The following NR2C2 variants were observed in gnomAD, a reference collection of about 807,000 sequenced individuals.
The protein encoded by NR2C2 is nuclear receptor subfamily 2 group C member 2.
A neutral mutation model predicts 62.9 loss-of-function variants in NR2C2; 6 were observed. That is an observed-to-expected ratio of 0.10 (90% CI 0.05 to 0.19). The LOEUF is 0.19. Among genes scored for constraint, NR2C2 ranks in the 10% least tolerant of loss-of-function variants. The probability of loss-of-function intolerance (pLI) is 1.00; values close to 1 mark genes in which losing one functional copy is unlikely to be tolerated. For synonymous variants in NR2C2, 272 were observed against 273.8 expected, an observed-to-expected ratio of 0.99 and a Z score of 0.07; for missense variants, 479 against 762.7, an observed-to-expected ratio of 0.63 and a Z score of 4.38.
intron 1 of NR2C2, among the ~76,000 whole-genome samples, chr3:14,972,548 T>C (rs2040074248): frequency 6.6e-6 from 1 of 152,202 alleles, no homozygotes; most frequent in African/African-American, 2.4e-5. Context: ...TCCCACTTTT[T>C]AATTGGGTAG....
intron 2 of NR2C2, among the ~76,000 whole-genome samples, chr3:15,010,135 T>G: frequency 6.6e-6 from 1 of 152,226 alleles, no homozygotes; most frequent in East Asian, 1.9e-4. Context: ...ACAGCCGACT[T>G]AAATTTTAAT....
At chr3:15,041,424 G>A (rs994278474) in intron 13 of NR2C2, among the ~76,000 whole-genome samples, 2 of 152,182 alleles carry the variant, frequency 1.3e-5, no homozygotes, top group Non-Finnish European at 2.9e-5. Flanking sequence ...TTGTGGCTGA[G>A]TGAATGGATG....
chr3:15,029,403 C>T (rs978381102), intron 8 of NR2C2, among the ~76,000 whole-genome samples: 2 of 152,292 alleles, frequency 1.3e-5, no homozygotes, highest in South Asian at 4.1e-4. Flanking sequence ...GGCTCTTGTG[C>T]TCTGCTCCTA....
At chr3:15,002,321 C>T (rs1301041724) in intron 1 of NR2C2, among the ~76,000 whole-genome samples, 1 of 152,074 alleles carries the variant, frequency 6.6e-6, no homozygotes, top group Non-Finnish European at 1.5e-5. Context: ...TTTTCGCCAT[C>T]AATTGAAATA....
chr3:14,965,669 GT>G (rs1218816513), intron 1 of NR2C2, among the ~76,000 whole-genome samples: 1 of 146,994 alleles, frequency 6.8e-6, no homozygotes, highest in Non-Finnish European at 1.5e-5. Flanking sequence ...TTTTGTTTTT[GT>G]TTTTTTTTGA....
At chr3:14,949,640 C>T (rs775275664) in intron 1 of NR2C2, among the ~76,000 whole-genome samples, 12 of 152,186 alleles carry the variant, frequency 7.9e-5, no homozygotes, top group Non-Finnish European at 1.8e-4. Flanking sequence ...TCGTCAGCCT[C>T]TTATATACAT....
chr3:14,986,359 A>T (rs2040513965), intron 1 of NR2C2, among the ~76,000 whole-genome samples: 1 of 152,208 alleles, frequency 6.6e-6, no homozygotes, highest in Non-Finnish European at 1.5e-5. Flanking sequence ...CTAAGAAGAT[A>T]CAATTGTTTT....
intron 2 of NR2C2, among the ~76,000 whole-genome samples, chr3:15,005,016 G>T (rs1269485053): frequency 6.6e-6 from 1 of 151,998 alleles, no homozygotes; most frequent in Non-Finnish European, 1.5e-5. Context: ...GCTTCCCAAA[G>T]TGCTGGGATT....
intron 1 of NR2C2, among the ~76,000 whole-genome samples, chr3:14,993,402 C>T (rs1477829192): frequency 1.0e-4 from 15 of 150,354 alleles, no homozygotes; most frequent in African/African-American, 3.2e-4. Flanking sequence ...TACAGTGAGC[C>T]GAAGCTGCAT....
chr3:14,964,375 T>G (rs1166229658), intron 1 of NR2C2, among the ~76,000 whole-genome samples: 5 of 152,340 alleles, frequency 3.3e-5, no homozygotes, highest in Admixed American at 1.3e-4. Context: ...AAGCAAAAAT[T>G]GTCAGGAGTA....
intron 1 of NR2C2, among the ~76,000 whole-genome samples, chr3:14,991,840 T>G (rs1188520030): frequency 6.7e-6 from 1 of 150,304 alleles, no homozygotes; most frequent in Non-Finnish European, 1.5e-5. Flanking sequence ...CATAGCTTAC[T>G]GTCACTGTAG....
At chr3:15,037,125 A>G (rs1269786020) in intron 11 of NR2C2, among the ~76,000 whole-genome samples, 5 of 152,060 alleles carry the variant, frequency 3.3e-5, no homozygotes, top group Non-Finnish European at 7.4e-5. Flanking sequence ...AAAAAAAAAA[A>G]ACCCCTTACA....
At chr3:15,028,903 T>G (rs1330238751) in intron 8 of NR2C2, among the ~76,000 whole-genome samples, 184 bp downstream of exon 8, 1 of 152,092 alleles carries the variant, frequency 6.6e-6, no homozygotes, top group African/African-American at 2.4e-5. Flanking sequence ...CCACCTATGT[T>G]ATACAGTATA....
intron 1 of NR2C2, among the ~76,000 whole-genome samples, chr3:14,969,347 A>G (rs1165768390): frequency 3.3e-5 from 5 of 150,904 alleles, no homozygotes; most frequent in Admixed American, 2.0e-4. Context: ...CGTTCAAGCA[A>G]TTTTCCCGCC....
At chr3:14,995,320 C>CAAA (rs761643743) in intron 1 of NR2C2, among the ~76,000 whole-genome samples, 3 of 118,080 alleles carry the variant, frequency 2.5e-5, no homozygotes, top group Admixed American at 8.7e-5. Context: ...TTTACCCCCT[C>CAAA]AAAAAAAAAA....
At chr3:15,006,146 G>A (rs542293317) in intron 2 of NR2C2, among the ~76,000 whole-genome samples, 69 of 152,286 alleles carry the variant, frequency 4.5e-4, no homozygotes, top group Middle Eastern at 3.4e-3. Flanking sequence ...GGTTGAGGCT[G>A]CAGTGAGCTG....
In NR2C2 at chr3:15,039,137, C is replaced by G. The variant is rs1436785919; in HGVS notation, c.1526C>G (p.Thr509Ser). The change falls in exon 13 of 14, where the codon ACC (threonine) becomes AGC (serine). Residue 509 changes from threonine to serine, a missense_variant. Physicochemically the swap from Thr to Ser is moderately conservative, Grantham distance 58. Around this residue, in one of 4 missense-constraint regions of NR2C2, gnomAD observed 162 missense variants for 296.8 expected, o/e 0.55. Transcript: ENST00000425241. ...CTGTTTTCAGATCATCCAGGTTTGA[C>G]CAGCACAAGCCAGATTGAAAAATTC... ...VLFSPDHPGL[T>S]STSQIEKFQE... 1 of 1,613,518 alleles carries G rather than the reference C, an allele frequency of 6.2e-7. No homozygotes were observed. Among genetic ancestry groups the G allele is most frequent in the South Asian group, 1.1e-5 (1 of 91,076 alleles).
intron 1 of NR2C2, among the ~76,000 whole-genome samples, chr3:14,956,760 C>G (rs59648916): frequency 6.6e-6 from 1 of 152,290 alleles, no homozygotes; most frequent in East Asian, 1.9e-4. Flanking sequence ...AGGCTGGTCT[C>G]GAACTCCTGA....
At chr3:15,002,919 A>G (rs1041121366) in intron 1 of NR2C2, among the ~76,000 whole-genome samples, 1 of 150,984 alleles carries the variant, frequency 6.6e-6, no homozygotes, top group African/African-American at 2.4e-5. Flanking sequence ...CGGCCTCCCA[A>G]AGTGCTGGGA....
Sources: gnomAD v4.1 joint callset for allele counts (sites outside exome capture counted in the v4.1 genomes callset) on GRCh38, gnomAD v4.1.1 for gene constraint, gnomAD v4.1.1 regional missense constraint, MANE v1.5 for transcripts, NCBI Gene and HGNC (gene_info 2026-07-23, HGNC 2026-07-21) for gene names.